Variants in KDM4C observed in about 807,000 individuals in gnomAD.
KDM4C encodes the protein lysine demethylase 4C.
Under a neutral mutation model 129.3 loss-of-function variants are expected in KDM4C, and 81 were observed. That is an observed-to-expected ratio of 0.63 (90% CI 0.52 to 0.75). KDM4C has a LOEUF of 0.75. KDM4C is among the 30% of genes least tolerant of loss of function. KDM4C has a pLI of 0.00. For missense variants in KDM4C, 1,457 were observed against 1,304.0 expected (o/e 1.12, Z -1.81); for synonymous variants, 573 against 456.1 (o/e 1.26, Z -3.26).
At chr9:7,094,661 T>A (rs1264937306) in intron 17 of KDM4C, among the ~76,000 whole-genome samples, 1 of 152,212 alleles carries the variant, frequency 6.6e-6, no homozygotes, top group African/African-American at 2.4e-5. Flanking sequence ...TTCTCACAGC[T>A]GCAGTTGTCT....
chr9:6,832,103 C>G (rs536204794), intron 4 of KDM4C, among the ~76,000 whole-genome samples: 7 of 152,214 alleles, frequency 4.6e-5, no homozygotes, highest in African/African-American at 7.2e-5. Flanking sequence ...CTCTGGGAGT[C>G]TGAGGCGGGT....
upstream of KDM4C, chr9:6,757,516 G>C (rs1490810749): frequency 1.7e-6 from 1 of 576,084 alleles, no homozygotes; most frequent in African/African-American, 2.0e-5. Flanking sequence ...CGGGTGAAGG[G>C]AGAACGGGAA....
chr9:6,899,574 A>T (rs1817046299), intron 8 of KDM4C, among the ~76,000 whole-genome samples: 1 of 126,414 alleles, frequency 7.9e-6, no homozygotes, highest in South Asian at 2.9e-4. Flanking sequence ...TGTGTGTTTA[A>T]CTTGCTAGCT....
chr9:6,893,378 T>A, intron 8 of KDM4C, 146 bp downstream of exon 8: 1 of 508,686 alleles, frequency 2.0e-6, no homozygotes, highest in East Asian at 3.4e-5. Flanking sequence ...TCAGGCTCGA[T>A]ACATTTATTT....
At chr9:6,735,541 T>A (rs72697593) in intron 1 of KDM4C, among the ~76,000 whole-genome samples, 16,714 of 152,038 alleles carry the variant, frequency 0.11, 1,116 homozygotes, top group African/African-American at 0.18. Flanking sequence ...AGTGAATGAG[T>A]CTCATTAGGT....
intron 1 of KDM4C, among the ~76,000 whole-genome samples, chr9:6,747,506 C>G (rs930072123): frequency 7.1e-6 from 1 of 141,400 alleles, no homozygotes; most frequent in Non-Finnish European, 1.5e-5. Flanking sequence ...CGAGATCGCG[C>G]CACTGCACTC....
At chr9:6,917,695 C>A (rs1351891952) in intron 8 of KDM4C, among the ~76,000 whole-genome samples, 1 of 152,180 alleles carries the variant, frequency 6.6e-6, no homozygotes, top group East Asian at 1.9e-4. Flanking sequence ...TCTCCATCCT[C>A]ATTCTTTGCT....
intron 8 of KDM4C, among the ~76,000 whole-genome samples, chr9:6,939,604 G>A (rs948274116): frequency 3.3e-5 from 5 of 152,178 alleles, no homozygotes; most frequent in Admixed American, 2.6e-4. Context: ...GGGTGTTGAT[G>A]TTAAAGGTAC....
intron 4 of KDM4C, among the ~76,000 whole-genome samples, chr9:6,819,904 C>A (rs1401208493): frequency 3.0e-4 from 45 of 152,112 alleles, no homozygotes; most frequent in African/African-American, 1.1e-3. Context: ...TGGTTCATGG[C>A]ATTATTTTGA....
intron 1 of KDM4C, among the ~76,000 whole-genome samples, chr9:6,759,760 C>T (rs939481965): frequency 6.6e-6 from 1 of 151,834 alleles, no homozygotes; most frequent in African/African-American, 2.4e-5. Flanking sequence ...CAAGACCAGC[C>T]TGGCCAAAAT....
chr9:7,077,318 A>T, intron 17 of KDM4C: 1 of 775,834 alleles, frequency 1.3e-6, no homozygotes, highest in Admixed American at 6.2e-5. Context: ...TTGGACATAT[A>T]GTTGTCATCC....
Position 7,150,220 on chromosome 9 carries a change from C to T in KDM4C, c.2782-15018C>T, listed in dbSNP as rs77666558. Among the ~76,000 whole-genome samples the T allele has an allele frequency of 7.5e-3, 1,139 of 152,312 alleles. 19 individuals are homozygous for T. Among genetic ancestry groups the T allele is most frequent in the African/African-American group, 0.026 (1,064 of 41,566 alleles). On this transcript the variant is annotated intron_variant, in intron 19 of 21. Transcript: ENST00000381309. ...CCGCCCTCTGGCTTCTCCCTTTCAC[C>T]TCTTTCTTTAAGGCCTGTATTATTG...
intron 5 of KDM4C, among the ~76,000 whole-genome samples, chr9:6,878,609 A>G (rs757568859): frequency 6.6e-6 from 1 of 152,220 alleles, no homozygotes; most frequent in Non-Finnish European, 1.5e-5. Context: ...TTCTGTGAGC[A>G]TATGGTTGAA....
chr9:6,780,243 G>A (rs1824020050), intron 1 of KDM4C, among the ~76,000 whole-genome samples: 1 of 151,910 alleles, frequency 6.6e-6, no homozygotes, highest in African/African-American at 2.4e-5. Flanking sequence ...AAATAGATTA[G>A]CTGTGAATAC....
chr9:7,105,711 C>T lies in KDM4C; in HGVS notation c.2610+1841C>T, dbSNP rs1349091525. Among the ~76,000 whole-genome samples, 7 of 152,064 alleles carry T rather than the reference C, an allele frequency of 4.6e-5. 1 individual carries two copies. Among genetic ancestry groups the T allele is most frequent in the Non-Finnish European group, 8.8e-5 (6 of 68,020 alleles). On this transcript the variant is annotated intron_variant, in intron 18 of 21. Transcript: ENST00000381309. ...AGCTTTGCTTGGGATCATACATTAC[C>T]GTTTTAATATTCCAAAGCCCTGTGG...
intron 18 of KDM4C, among the ~76,000 whole-genome samples, chr9:7,119,490 T>TA (rs1403907661): frequency 6.6e-6 from 1 of 152,140 alleles, no homozygotes; most frequent in South Asian, 2.1e-4. Context: ...AACAGAAATT[T>TA]AAAAAATATT....
In KDM4C at chr9:7,046,987, G is replaced by T; in HGVS notation, c.2315+70G>T. On this transcript the variant is annotated intron_variant, in intron 16 of 21. Transcript: ENST00000381309. ...TCCATTCTAGAACCTTTGGATGACA[G>T]TTCGCTTTACCTCTCATTGTACACG... 4 of 1,121,144 alleles carry T rather than the reference G, an allele frequency of 3.6e-6. No individual in the cohort carries two copies. The South Asian group carries it at 5.1e-5, about 14-fold the overall frequency. 69.4% of individuals were successfully genotyped at this position (1,121,144 alleles called of 1,614,324 possible).
intron 12 of KDM4C, among the ~76,000 whole-genome samples, chr9:7,010,718 T>G (rs1255209719): frequency 3.9e-5 from 6 of 152,210 alleles, no homozygotes; most frequent in Non-Finnish European, 8.8e-5. Flanking sequence ...TCTGTAAGAT[T>G]TTATAAAGTG....
chr9:6,998,899 A>G (rs1319310749), intron 12 of KDM4C, among the ~76,000 whole-genome samples: 2 of 152,228 alleles, frequency 1.3e-5, no homozygotes, highest in African/African-American at 2.4e-5. Flanking sequence ...TCCCAGGACT[A>G]GAGCTGCCCA....
Sources: allele counts gnomAD v4.1 joint callset (sites outside exome capture counted in the v4.1 genomes callset), GRCh38; gene constraint gnomAD v4.1.1; transcripts MANE v1.5; gene names NCBI Gene and HGNC (gene_info 2026-07-23, HGNC 2026-07-21).